USP38: variants seen among roughly 807,000 people sequenced by gnomAD.
The protein encoded by USP38 is ubiquitin specific peptidase 38.
A neutral mutation model predicts 94.3 loss-of-function variants in USP38; 49 were observed. That is an observed-to-expected ratio of 0.52 (90% CI 0.41 to 0.66). The LOEUF is 0.66. Ranked by LOEUF, USP38 falls within the 30% of genes least tolerant of loss-of-function variation. The pLI, the probability that USP38 is intolerant of heterozygous loss-of-function variation, is 0.00. For missense variants in USP38, 1,128 were observed against 1,229.4 expected, an observed-to-expected ratio of 0.92 and a Z score of 1.23; for synonymous variants, 468 against 463.6, an observed-to-expected ratio of 1.01 and a Z score of -0.12.
intron 4 of USP38, among the ~76,000 whole-genome samples, chr4:143,201,362 C>T (rs1039989845): frequency 5.9e-5 from 9 of 152,182 alleles, no homozygotes; most frequent in Non-Finnish European, 1.2e-4. Context: ...TTCCTTACAC[C>T]ATATACAAAA....
At chr4:143,187,287 G>A (rs1731257777) in intron 1 of USP38, among the ~76,000 whole-genome samples, 1 of 152,098 alleles carries the variant, frequency 6.6e-6, no homozygotes, top group Admixed American at 6.5e-5. Flanking sequence ...TTAGAGCAAT[G>A]TAATGATGAA....
At chr4:143,187,371 A>G (rs1169304528) in intron 1 of USP38, among the ~76,000 whole-genome samples, 2 of 152,006 alleles carry the variant, frequency 1.3e-5, no homozygotes, top group African/African-American at 4.8e-5. Context: ...AGTCACCTTC[A>G]TTTCTACTTT....
At position 143,223,745 on chromosome 4, in the gene USP38, A is replaced by G. The variant is rs1332338534; in HGVS notation, c.*3289A>G. ...GTGTACTTCACATGATACATTCCAT[A>G]TAAAGAGCTCTTTTAAAATGACTAT... On this transcript the variant is annotated 3_prime_UTR_variant, in exon 10 of 10. Coordinates refer to ENST00000307017, the MANE Select transcript of USP38 (RefSeq NM_032557.6). 6.6e-6 allele frequency: 1 copy of G among 152,090 alleles called. No homozygotes were observed. The highest frequency in any genetic ancestry group is 1.5e-5 in the Non-Finnish European group (1 of 67,984). 9.4% of individuals were successfully genotyped at this position (152,090 alleles called of 1,614,324 possible).
At chr4:143,219,043 A>G (rs1474683354) in intron 9 of USP38, among the ~76,000 whole-genome samples, 1 of 152,134 alleles carries the variant, frequency 6.6e-6, no homozygotes, top group Non-Finnish European at 1.5e-5. Context: ...CTGTAGGTAG[A>G]TATTATACCA....
At position 143,188,101 on chromosome 4, in the gene USP38, T is replaced by C. The variant is rs1305698073; in HGVS notation, c.818+140T>C. The C allele has an allele frequency of 6.3e-6, 7 of 1,108,940 alleles. No homozygotes were observed. The South Asian group carries it at 1.0e-4, about 16-fold the overall frequency. The allele number at this position is 1,108,940 out of a possible 1,614,324, so 68.7% of individuals were successfully genotyped here. A position where few individuals can be genotyped will look rare whatever the true frequency, so the allele number is the denominator to read the frequency against. ...CATATGTAAAGATTCTCCAAATAGA[T>C]TGGAATTGTTTATAGCGTTGACAGG... On this transcript the variant is annotated intron_variant, in intron 2 of 9. Coordinates refer to ENST00000307017, the MANE Select transcript of USP38 (RefSeq NM_032557.6).
At position 143,185,601 on chromosome 4, in the gene USP38, G is replaced by C. The variant is rs1561235006; in HGVS notation, c.151G>C (p.Glu51Gln). The change falls in exon 1 of 10, where the codon GAG becomes CAG. Residue 51 changes from glutamate to glutamine, a missense_variant. Physicochemically the swap from Glu to Gln is conservative, Grantham distance 29. Transcript: ENST00000307017. ...TGACCTGACGACCCGGCTCATCCTG[G>C]AGGGCCAGGACCCTTTCCAGCGGCA... ...MFDLTTRLILEGQDPFQRQVG... is the reference protein window; with the variant it reads ...MFDLTTRLILQGQDPFQRQVG... 2.1e-5 allele frequency: 34 copies of C among 1,614,074 alleles called. No homozygotes were observed. Among genetic ancestry groups the C allele is most frequent in the Non-Finnish European group, 2.8e-5 (33 of 1,180,042 alleles).
chr4:143,214,443 A>G lies in USP38; in HGVS notation c.2467A>G (p.Lys823Glu). The G allele has an allele frequency of 6.2e-7, 1 of 1,613,724 alleles. No individual in the cohort carries two copies. Among genetic ancestry groups the G allele is most frequent in the Non-Finnish European group, 8.5e-7 (1 of 1,179,850 alleles). The change falls in exon 9 of 10, where the codon AAA becomes GAA. Residue 823 changes from lysine to glutamate, a missense_variant. Lys to Glu is a moderately conservative substitution (Grantham distance 56, BLOSUM62 1). Coordinates refer to ENST00000307017, the MANE Select transcript of USP38 (RefSeq NM_032557.6). ...FTDLSENLAK[K>E]LKPSGTDEAS... is the part of the protein sequence containing the mutation. ...TGATCTTAGTGAGAACCTTGCTAAA[A>G]AATTAAAGCCTTCAGGGACTGATGA...
intron 6 of USP38, among the ~76,000 whole-genome samples, chr4:143,206,488 G>A (rs2149609696): frequency 6.6e-6 from 1 of 152,258 alleles, no homozygotes; most frequent in South Asian, 2.1e-4. Context: ...TCAGGAGTTT[G>A]AGAGCAGCCT....
chr4:143,192,254 G>A (rs1731416726), intron 2 of USP38, among the ~76,000 whole-genome samples: 1 of 152,048 alleles, frequency 6.6e-6, no homozygotes. Flanking sequence ...TTTTAGATTG[G>A]GTTATTTATG....
rs1731857811 is a variant in USP38, at chr4:143,206,103, A to G, written c.1280A>G (p.Asn427Ser). The G allele has an allele frequency of 8.1e-6, 13 of 1,613,766 alleles. No individual in the cohort carries two copies. Among genetic ancestry groups the G allele is most frequent in the Non-Finnish European group, 1.0e-5 (12 of 1,179,876 alleles). ...LNQSAWTSQSNSLASCLSRLS... is the reference protein window; with the variant it reads ...LNQSAWTSQSSSLASCLSRLS... ...CAAAGTGCCTGGACTTCTCAATCCA[A>G]TTCTTTGGCGTCTTGCTTGTCTAGA... Residue 427 changes from asparagine to serine, a missense_variant, in exon 6 of 10, where the codon AAT (asparagine) becomes AGT (serine). Transcript: ENST00000307017.
rs1581169140 is a variant in USP38 at position 143,215,084 on chromosome 4, C to G, written c.2967+141C>G. On this transcript the variant is annotated intron_variant, in intron 9 of 9. Transcript: ENST00000307017. ...CTGGATTTACATGAAGTATTCTCAA[C>G]CTGTATAACTAAATTGCCTTTCTAA... is the stretch of plus-strand genomic sequence containing the variant. 4 of 835,566 alleles carry G rather than the reference C, an allele frequency of 4.8e-6. No individual in the cohort carries two copies. In the East Asian group the frequency reaches 1.1e-4, roughly 23 times the overall value. The allele number at this position is 835,566 out of a possible 1,614,324, so 51.8% of individuals were successfully genotyped here. A position where few individuals can be genotyped will look rare whatever the true frequency, so the allele number is the denominator to read the frequency against.
chr4:143,213,923 T>C lies in USP38; in HGVS notation c.1947T>C (p.Ser649=), dbSNP rs770750077. The part of the protein sequence containing the change: ...SIQDGGLMQA[S]VPGPSEEPVV... ...AAGATGGTGGTCTAATGCAAGCCTC[T>C]GTACCCGGTCCTTCAGAAGAACCAG... is the stretch of plus-strand genomic sequence containing the variant. Residue 649 remains serine (S), a synonymous_variant, in exon 9 of 10, where the codon TCT becomes TCC. Coordinates refer to ENST00000307017, the MANE Select transcript of USP38 (RefSeq NM_032557.6). The C allele has an allele frequency of 1.9e-6, 3 of 1,613,840 alleles. No individual in the cohort carries two copies. The African/African-American group carries it at 4.0e-5, about 22-fold the overall frequency.
chr4:143,220,311 C>T lies in USP38; in HGVS notation c.2984C>T (p.Ala995Val), dbSNP rs1732289031. The T allele has an allele frequency of 6.2e-7, 1 of 1,609,958 alleles. No individual in the cohort carries two copies. The highest frequency in any genetic ancestry group is 8.5e-7 in the Non-Finnish European group (1 of 1,178,264). Residue 995 changes from alanine to valine, a missense_variant, in exon 10 of 10, where the codon GCT (alanine) becomes GTT (valine). By Grantham distance (64) the Ala-to-Val change is moderately conservative. Coordinates refer to ENST00000307017, the MANE Select transcript of USP38 (RefSeq NM_032557.6). ...KLYLQEQELN[A>V]RARALQAASA... is the part of the protein sequence containing the mutation. ...TAATTTTAGGAACAAGAGTTGAATG[C>T]TCGAGCCCGGGCCCTCCAAGCTGCA... is the stretch of plus-strand genomic sequence containing the variant.
chr4:143,216,405 A>G (rs999557809), intron 9 of USP38, among the ~76,000 whole-genome samples: 1 of 152,144 alleles, frequency 6.6e-6, no homozygotes, highest in African/African-American at 2.4e-5. Context: ...TACCTGTATT[A>G]AGACTAGGTA....
intron 4 of USP38, among the ~76,000 whole-genome samples, chr4:143,198,491 G>A (rs1332681247): frequency 2.0e-5 from 3 of 152,326 alleles, no homozygotes; most frequent in South Asian, 4.1e-4. Context: ...TAGGAAAACA[G>A]TGCCTTTGTG....
At chr4:143,194,999 C>CT (rs1359252321) in intron 2 of USP38, among the ~76,000 whole-genome samples, 2 of 151,234 alleles carry the variant, frequency 1.3e-5, no homozygotes, top group African/African-American at 4.9e-5. Flanking sequence ...AGACTTAGTG[C>CT]TTTTTTATAT....
chr4:143,186,880 T>C (rs1731242834), intron 1 of USP38, among the ~76,000 whole-genome samples: 1 of 152,160 alleles, frequency 6.6e-6, no homozygotes, highest in Non-Finnish European at 1.5e-5. Flanking sequence ...TCATTTCCGC[T>C]CTACTTGGTA....
chr4:143,203,558 G>T lies in USP38; in HGVS notation c.1201G>T (p.Ala401Ser). 6.2e-7 allele frequency: 1 copy of T among 1,609,492 alleles called. No individual in the cohort carries two copies. ...FPDLYEPILE[A>S]IKDFPKPSEE... is the part of the protein sequence containing the mutation. Reference sequence around the variant, plus strand: ...AGATCTCTATGAACCTATTCTGGAGGCAATAAAGGTATGATGATAGTTGTA... The same window carrying T: ...AGATCTCTATGAACCTATTCTGGAGTCAATAAAGGTATGATGATAGTTGTA... The change falls in exon 5 of 10, where the codon GCA (alanine) becomes TCA (serine). Residue 401 changes from alanine to serine, a missense_variant. Transcript: ENST00000307017.
At chr4:143,204,396 CT>C (rs754708719) in intron 5 of USP38, 22,295 of 366,696 alleles carry the variant, frequency 0.061, 1 homozygote, top group South Asian at 0.082. Context: ...CTAAAAAGCA[CT>C]TTTTTTTTTT....
Sources: allele counts gnomAD v4.1 joint callset (sites outside exome capture counted in the v4.1 genomes callset), GRCh38; gene constraint gnomAD v4.1.1; transcripts MANE v1.5; gene names NCBI Gene and HGNC (gene_info 2026-07-23, HGNC 2026-07-21).